Variants in ACP6 observed in about 807,000 individuals in gnomAD.
The protein encoded by ACP6 is lysophosphatidic acid phosphatase type 6.
In ACP6, 48 loss-of-function variants were observed where a neutral mutation model predicts 48.1. The ratio of observed to expected loss-of-function variants is 1.00; its 90% CI spans 0.79 to 1.27. The LOEUF (loss-of-function observed/expected upper bound fraction) is 1.27, where lower values mean the gene tolerates loss of function less well. Ranked by LOEUF, ACP6 falls within the 50% of genes most tolerant of loss-of-function variation. ACP6 has a pLI of 0.00. For synonymous variants in ACP6, 172 were observed against 204.2 expected (o/e 0.84, Z 1.34); for missense variants, 485 against 529.1 (o/e 0.92, Z 0.82).
exon 6 of ACP6, chr1:147,630,278 C>A (rs1659131035): frequency 6.6e-6 from 1 of 152,244 alleles, no homozygotes; most frequent in African/African-American, 2.4e-5. Context: ...TCATGAGGGG[C>A]TGACCCGCAG....
chr1:147,633,910 A>T (rs1659234823), intron 5 of ACP6, among the ~76,000 whole-genome samples: 1 of 152,230 alleles, frequency 6.6e-6, no homozygotes, highest in Admixed American at 6.5e-5. Context: ...TTAAGTATAC[A>T]TTAATGTGTT....
Position 147,669,932 on chromosome 1 carries a change from G to A in ACP6, c.117C>T (p.Gly39=), listed in dbSNP as rs140087358. ...GCAGGCTGCGGTCGACCGGACACTG[G>A]CCATCGGCCTCCTGCAGCTCGGCCA... ...VALAELQEAD[G]QCPVDRSLLK... Residue 39 remains glycine, a synonymous_variant, in exon 1 of 10, where the codon GGC becomes GGT. Transcript: ENST00000583509. The A allele has an allele frequency of 9.9e-5, 155 of 1,562,232 alleles. No homozygotes were observed. The highest frequency in any genetic ancestry group is 1.2e-4 in the Non-Finnish European group (143 of 1,153,264).
chr1:147,638,293 G>A (rs1553208276), downstream of ACP6, among the ~76,000 whole-genome samples: 1 of 152,168 alleles, frequency 6.6e-6, no homozygotes, highest in African/African-American at 2.4e-5. Context: ...AGCCTTATGA[G>A]GTAAATACTC....
intron 2 of ACP6, 32 bp from the exon 3 acceptor site, chr1:147,659,558 A>T: frequency 6.2e-7 from 1 of 1,613,936 alleles, no homozygotes; most frequent in South Asian, 1.1e-5. Flanking sequence ...AAGAAGAATG[A>T]AAACACCTGA....
chr1:147,652,752 G>GTAAAA, intron 6 of ACP6: 1 of 372,040 alleles, frequency 2.7e-6, no homozygotes, highest in Non-Finnish European at 3.7e-6. Context: ...CTGAAGGCCA[G>GTAAAA]GAAAAAAAAA....
chr1:147,659,833 C>T, intron 1 of ACP6, 58 bp from the exon 2 acceptor site: 3 of 1,578,672 alleles, frequency 1.9e-6, no homozygotes, highest in Non-Finnish European at 2.6e-6. Flanking sequence ...AAATGTATAG[C>T]ATTAACATCT....
exon 6 of ACP6, chr1:147,630,178 C>T (rs1338445573): frequency 2.0e-5 from 3 of 152,232 alleles, no homozygotes; most frequent in African/African-American, 7.2e-5. Context: ...TGCATGTCTT[C>T]ACCGGGGCCA....
rs12023648 is a variant in ACP6, at chr1:147,658,170, C to T, written c.559+790G>A. On this transcript the variant is annotated intron_variant, in intron 4 of 9. Coordinates refer to ENST00000583509, the MANE Select transcript of ACP6 (RefSeq NM_016361.5). ...TATCCAACCCAGTTGAGGGCAAGAC[C>T]AGATTCCTCTTTCCTGAAGGTTCCA... Among the ~76,000 whole-genome samples, 213 of 152,332 alleles carry T rather than the reference C, an allele frequency of 1.4e-3. 5 individuals carry two copies. The East Asian group carries it at 0.039, about 28-fold the overall frequency.
chr1:147,632,705 T>C (rs1415508115), intron 5 of ACP6, among the ~76,000 whole-genome samples: 8 of 152,114 alleles, frequency 5.3e-5, no homozygotes, highest in Non-Finnish European at 1.2e-4. Context: ...ACCCACTCTT[T>C]GGTCTTAATC....
chr1:147,645,240 A>T lies in ACP6; in HGVS notation c.*2183T>A, dbSNP rs1659580099. On this transcript the variant is annotated 3_prime_UTR_variant, in exon 10 of 10. Transcript: ENST00000583509. ...ATAATAATTTTATAAAAATATAATAATTTTTGTATTTTTAGTAGAGGCAGG... is the reference window on the plus strand; with the variant it reads ...ATAATAATTTTATAAAAATATAATATTTTTTGTATTTTTAGTAGAGGCAGG... 6.6e-6 allele frequency: 1 copy of T among 151,616 alleles called. No individual in the cohort carries two copies. The highest frequency in any genetic ancestry group is 1.5e-5 in the Non-Finnish European group (1 of 67,928). The allele number at this position is 151,616 out of a possible 1,614,324, so 9.4% of individuals were successfully genotyped here.
chr1:147,647,212 C>G lies in ACP6; in HGVS notation c.*211G>C. 1.8e-6 allele frequency: 1 copy of G among 570,778 alleles called. No individual in the cohort carries two copies. The highest frequency in any genetic ancestry group is 2.3e-5 in the South Asian group (1 of 43,828). The allele number at this position is 570,778 out of a possible 1,614,324, so 35.4% of individuals were successfully genotyped here. A position where few individuals can be genotyped will look rare whatever the true frequency, so the allele number is the denominator to read the frequency against. On this transcript the variant is annotated 3_prime_UTR_variant, in exon 10 of 10. Coordinates refer to ENST00000583509, the MANE Select transcript of ACP6 (RefSeq NM_016361.5). ...ATGCTTCTAACCTTAGAAACCAACT[C>G]ACAAAATAGAGAAATATCCTTTTGG...
Position 147,650,140 on chromosome 1 carries a change from T to G in ACP6, c.977+3A>C. On this transcript the variant is annotated splice_donor_region_variant and intron_variant, in intron 8 of 9. Coordinates refer to ENST00000583509, the MANE Select transcript of ACP6 (RefSeq NM_016361.5). ...CACAAAGCAGAGTTGCTGTGCCAGG[T>G]ACCTGATCTTGTCGGGGGCAGTGGC... The G allele has an allele frequency of 6.2e-7, 1 of 1,605,778 alleles. No homozygotes were observed. Among genetic ancestry groups the G allele is most frequent in the East Asian group, 2.3e-5 (1 of 44,078 alleles).
chr1:147,669,228 A>G (rs1660951535), intron 1 of ACP6, among the ~76,000 whole-genome samples: 2 of 151,688 alleles, frequency 1.3e-5, no homozygotes, highest in African/African-American at 2.4e-5. Flanking sequence ...AGGTTTAGTA[A>G]CCTTAAATAG....
chr1:147,630,247 A>C (rs1553207187), exon 6 of ACP6: 2 of 152,102 alleles, frequency 1.3e-5, no homozygotes, highest in African/African-American at 4.8e-5. Context: ...CAGCACCTGC[A>C]CCTAGACCAG....
intron 1 of ACP6, among the ~76,000 whole-genome samples, chr1:147,668,827 G>A (rs1660933511): frequency 6.6e-6 from 1 of 152,140 alleles, no homozygotes; most frequent in Non-Finnish European, 1.5e-5. Context: ...AATTTCATGT[G>A]CGGCCAACCT....
chr1:147,665,848 T>C (rs1660767509), intron 1 of ACP6, among the ~76,000 whole-genome samples: 1 of 152,214 alleles, frequency 6.6e-6, no homozygotes, highest in South Asian at 2.1e-4. Context: ...CATATAATAG[T>C]GTCCACCCCA....
rs782479679 is a variant in ACP6, at chr1:147,658,999, G to A, written c.520C>T (p.Arg174Cys). The A allele has an allele frequency of 6.2e-6, 10 of 1,611,836 alleles. No homozygotes were observed. Among genetic ancestry groups the A allele is most frequent in the Admixed American group, 1.7e-5 (1 of 59,736 alleles). ...TNIFRNLEST[R>C]CLLAGLFQCQ... is the part of the protein sequence containing the mutation. ...TGGAAAAGCCCAGCCAGCAAACAAC[G>A]GGTGGACTCCAGATTCCGAAAAATG... Residue 174 changes from arginine to cysteine, a missense_variant, in exon 4 of 10, where the codon CGT becomes TGT. Arg to Cys is a radical substitution (Grantham distance 180). Transcript: ENST00000583509.
Position 147,647,302 on chromosome 1 carries a change from C to A in ACP6, c.*121G>T, listed in dbSNP as rs973326753. On this transcript the variant is annotated 3_prime_UTR_variant, in exon 10 of 10. Coordinates refer to ENST00000583509, the MANE Select transcript of ACP6 (RefSeq NM_016361.5). ...TAGTAAACCCACAGAAAGGAAATAT[C>A]CTTACATTATATTAAAGTACATTAC... 3.4e-6 allele frequency: 4 copies of A among 1,175,808 alleles called. No homozygotes were observed. Among genetic ancestry groups the A allele is most frequent in the Admixed American group, 2.3e-5 (1 of 43,834 alleles). 72.8% of individuals were successfully genotyped at this position (1,175,808 alleles called of 1,614,324 possible). A position where few individuals can be genotyped will look rare whatever the true frequency, so the allele number is the denominator to read the frequency against.
chr1:147,656,129 GC>G (rs1456857938), intron 4 of ACP6, among the ~76,000 whole-genome samples: 1 of 152,178 alleles, frequency 6.6e-6, no homozygotes, highest in Non-Finnish European at 1.5e-5. Flanking sequence ...TTTAAAAATA[GC>G]CTATAACTTT....
Sources: allele counts gnomAD v4.1 joint callset (sites outside exome capture counted in the v4.1 genomes callset), GRCh38; gene constraint gnomAD v4.1.1; transcripts MANE v1.5; gene names NCBI Gene and HGNC (gene_info 2026-07-23, HGNC 2026-07-21).